Variants in CLIC4 observed in about 807,000 individuals in gnomAD.
CLIC4 encodes the protein chloride intracellular channel protein 4.
A neutral mutation model predicts 24.6 loss-of-function variants in CLIC4; 13 were observed. The observed-to-expected ratio is 0.53, with a 90% confidence interval of 0.34 to 0.84. The LOEUF is 0.84. Ranked by LOEUF, CLIC4 falls within the 40% of genes least tolerant of loss-of-function variation. The probability of loss-of-function intolerance (pLI) is 0.01; values close to 1 mark genes in which losing one functional copy is unlikely to be tolerated. For missense variants in CLIC4, 227 were observed against 301.7 expected, an observed-to-expected ratio of 0.75 and a Z score of 1.83; for synonymous variants, 104 against 111.3, an observed-to-expected ratio of 0.93 and a Z score of 0.41.
intron 4 of CLIC4, among the ~76,000 whole-genome samples, chr1:24,829,083 T>C (rs1038119806): frequency 1.3e-5 from 2 of 152,192 alleles, no homozygotes; most frequent in African/African-American, 2.4e-5. Context: ...AATTAGTGAT[T>C]CTCCTTTTTA....
intron 5 of CLIC4, 128 bp from the exon 6 acceptor site, chr1:24,840,645 A>C (rs1639932604): frequency 1.4e-6 from 1 of 740,164 alleles, no homozygotes; most frequent in Non-Finnish European, 2.1e-6. Flanking sequence ...ATGGTGATGG[A>C]CTTTTTTTCA....
At chr1:24,775,811 G>T (rs568239309) in intron 1 of CLIC4, among the ~76,000 whole-genome samples, 1 of 149,070 alleles carries the variant, frequency 6.7e-6, no homozygotes, top group African/African-American at 2.4e-5. Flanking sequence ...TCATCTTAGG[G>T]TAGTCTCCTT....
chr1:24,749,559 C>T (rs985230561), intron 1 of CLIC4, among the ~76,000 whole-genome samples: 2 of 152,170 alleles, frequency 1.3e-5, no homozygotes, highest in Admixed American at 6.5e-5. Flanking sequence ...CCTGTGAGCC[C>T]ATTAACTCCC....
intron 1 of CLIC4, among the ~76,000 whole-genome samples, chr1:24,780,052 G>A (rs1446786053): frequency 6.6e-6 from 1 of 152,144 alleles, no homozygotes; most frequent in African/African-American, 2.4e-5. Context: ...CCTCCCACCA[G>A]TGGAAGCTCC....
At chr1:24,791,880 A>AAAATAAAT (rs112152589) in intron 1 of CLIC4, among the ~76,000 whole-genome samples, 2 of 150,636 alleles carry the variant, frequency 1.3e-5, no homozygotes, top group African/African-American at 4.9e-5. Context: ...CCATCTCAAA[A>AAAATAAAT]AAATAAATAA....
intron 1 of CLIC4, among the ~76,000 whole-genome samples, chr1:24,796,512 T>C (rs143166221): frequency 8.0e-4 from 121 of 152,098 alleles, no homozygotes; most frequent in Non-Finnish European, 1.5e-3. Flanking sequence ...TATTCTACTT[T>C]TTCTATGTTT....
chr1:24,793,707 AT>A (rs1019164641), intron 1 of CLIC4, among the ~76,000 whole-genome samples: 72 of 146,764 alleles, frequency 4.9e-4, no homozygotes, highest in Admixed American at 8.2e-4. Context: ...GAATGATCGG[AT>A]TTTTTTTTTT....
chr1:24,799,093 T>A (rs958128553), intron 2 of CLIC4, among the ~76,000 whole-genome samples: 3 of 151,334 alleles, frequency 2.0e-5, no homozygotes, highest in African/African-American at 7.3e-5. Flanking sequence ...GGAGTGTCTC[T>A]GCCTGGCCGC....
intron 1 of CLIC4, among the ~76,000 whole-genome samples, chr1:24,748,731 TTAAG>T (rs966242254): frequency 4.6e-5 from 7 of 151,974 alleles, no homozygotes; most frequent in Non-Finnish European, 8.8e-5. Context: ...ACTCCTGACC[TTAAG>T]TGATCTGCCT....
chr1:24,770,776 T>C (rs1358429314), intron 1 of CLIC4, among the ~76,000 whole-genome samples: 1 of 152,150 alleles, frequency 6.6e-6, no homozygotes, highest in Non-Finnish European at 1.5e-5. Context: ...TGAGTCTTTG[T>C]CACATATTTT....
intron 4 of CLIC4, among the ~76,000 whole-genome samples, chr1:24,839,401 G>A (rs562845269): frequency 1.7e-4 from 26 of 152,208 alleles, no homozygotes; most frequent in East Asian, 7.7e-4. Context: ...CCGGGTTCAC[G>A]CCATTCTCCT....
At chr1:24,803,492 T>C (rs1639514120) in intron 2 of CLIC4, among the ~76,000 whole-genome samples, 1 of 152,228 alleles carries the variant, frequency 6.6e-6, no homozygotes, top group Non-Finnish European at 1.5e-5. Flanking sequence ...GCTGGTAGTA[T>C]TCATGTGTCC....
chr1:24,822,581 A>AC (rs1639746470), intron 3 of CLIC4, among the ~76,000 whole-genome samples: 6 of 151,482 alleles, frequency 4.0e-5, no homozygotes, highest in Admixed American at 3.3e-4. Flanking sequence ...AAGTGATCCG[A>AC]CCTCCTTGGC....
chr1:24,825,934 C>CG (rs2124166218), intron 3 of CLIC4, among the ~76,000 whole-genome samples: 1 of 152,292 alleles, frequency 6.6e-6, no homozygotes, highest in South Asian at 2.1e-4. Context: ...TTTCTAGTGA[C>CG]GTTTTGCAGG....
At chr1:24,789,759 G>A (rs1367263286) in intron 1 of CLIC4, among the ~76,000 whole-genome samples, 1 of 149,708 alleles carries the variant, frequency 6.7e-6, no homozygotes, top group Non-Finnish European at 1.5e-5. Flanking sequence ...TTTAATTATC[G>A]TGTTTATCTT....
At chr1:24,767,173 T>C (rs1342307426) in intron 1 of CLIC4, among the ~76,000 whole-genome samples, 1 of 152,088 alleles carries the variant, frequency 6.6e-6, no homozygotes, top group African/African-American at 2.4e-5. Context: ...TGGACAAGCT[T>C]GATGTAGTGG....
At chr1:24,761,381 C>T (rs1251270219) in intron 1 of CLIC4, among the ~76,000 whole-genome samples, 1 of 152,070 alleles carries the variant, frequency 6.6e-6, no homozygotes, top group Non-Finnish European at 1.5e-5. Flanking sequence ...TAGATGGAGG[C>T]TCAGTGAGAG....
chr1:24,762,840 A>G (rs1177574792), intron 1 of CLIC4, among the ~76,000 whole-genome samples: 1 of 152,196 alleles, frequency 6.6e-6, no homozygotes, highest in Admixed American at 6.5e-5. Flanking sequence ...TGTAGAAGAC[A>G]CAGGTTGATA....
intron 1 of CLIC4, among the ~76,000 whole-genome samples, chr1:24,766,484 T>G (rs1431859646): frequency 4.0e-4 from 10 of 24,710 alleles, no homozygotes; most frequent in Admixed American, 4.2e-4. Flanking sequence ...TTTTTTTTTT[T>G]TTTTTTTTTT....
Sources: allele counts gnomAD v4.1 joint callset (sites outside exome capture counted in the v4.1 genomes callset), GRCh38; gene constraint gnomAD v4.1.1; transcripts MANE v1.5; gene names NCBI Gene and HGNC (gene_info 2026-07-23, HGNC 2026-07-21).